The following PCGF5 variants were observed in gnomAD, a reference collection of about 807,000 sequenced individuals.
The protein encoded by PCGF5 is polycomb group RING finger protein 5.
A neutral mutation model predicts 44.3 loss-of-function variants in PCGF5; 9 were observed. The observed-to-expected ratio is 0.20, with a 90% CI of 0.12 to 0.35. The LOEUF (loss-of-function observed/expected upper bound fraction) is 0.35, where lower values mean the gene tolerates loss of function less well. Among genes scored for constraint, PCGF5 ranks in the 10% least tolerant of loss-of-function variants. PCGF5 has a pLI of 1.00. For missense variants in PCGF5, 146 were observed against 305.3 expected, an observed-to-expected ratio of 0.48 and a Z score of 3.89; for synonymous variants, 95 against 102.5, an observed-to-expected ratio of 0.93 and a Z score of 0.44.
intron 1 of PCGF5, among the ~76,000 whole-genome samples, chr10:91,185,535 A>G (rs976346383): frequency 1.3e-5 from 2 of 152,074 alleles, no homozygotes; most frequent in East Asian, 3.8e-4. Flanking sequence ...CATGGATTCA[A>G]CCTCTTTCCT....
intron 3 of PCGF5, among the ~76,000 whole-genome samples, chr10:91,247,503 T>G (rs535130952): frequency 3.3e-4 from 50 of 149,734 alleles, no homozygotes; most frequent in African/African-American, 1.1e-3. Flanking sequence ...GGTTTTGGGG[T>G]TTTTTTTAAG....
intron 1 of PCGF5, among the ~76,000 whole-genome samples, chr10:91,205,889 C>A (rs554318175): frequency 6.6e-6 from 1 of 152,002 alleles, no homozygotes. Context: ...ACTTGGGAGG[C>A]TGAGGTGGGA....
At chr10:91,246,917 TCAG>T (rs1262149961) in intron 3 of PCGF5, among the ~76,000 whole-genome samples, 1 of 151,714 alleles carries the variant, frequency 6.6e-6, no homozygotes, top group Non-Finnish European at 1.5e-5. Flanking sequence ...GAACTTGAAA[TCAG>T]CAGAGATGTG....
intron 2 of PCGF5, 52 bp downstream of exon 2, chr10:91,223,035 GTTCT>G: frequency 8.2e-7 from 1 of 1,217,854 alleles, no homozygotes; most frequent in Non-Finnish European, 1.2e-6. Flanking sequence ...TGTACATTTT[GTTCT>G]TTTAAAATTG....
chr10:91,262,330 G>C (rs1032590007), intron 7 of PCGF5, among the ~76,000 whole-genome samples: 1 of 152,068 alleles, frequency 6.6e-6, no homozygotes, highest in African/African-American at 2.4e-5. Flanking sequence ...GGAGGACAAG[G>C]CAAGAGTCAC....
chr10:91,272,176 A>G (rs780309126), intron 9 of PCGF5, among the ~76,000 whole-genome samples: 5 of 152,222 alleles, frequency 3.3e-5, no homozygotes, highest in East Asian at 1.9e-4. Context: ...ATAGTGAGCT[A>G]ATTTAGTAAT....
chr10:91,270,281 T>C (rs1050434082), intron 8 of PCGF5, among the ~76,000 whole-genome samples: 1 of 152,064 alleles, frequency 6.6e-6, no homozygotes, highest in Non-Finnish European at 1.5e-5. Flanking sequence ...CACCTAAAGT[T>C]ACTACACCAT....
At chr10:91,269,510 C>A (rs1169759786) in intron 8 of PCGF5, among the ~76,000 whole-genome samples, 1 of 152,242 alleles carries the variant, frequency 6.6e-6, no homozygotes, top group African/African-American at 2.4e-5. Context: ...GATTAACACA[C>A]CCCTTTGATG....
rs190647711 is a variant in PCGF5 at position 91,205,549 on chromosome 10, C to T, written c.-183-17140C>T. On this transcript the variant is annotated intron_variant, in intron 1 of 9. Coordinates refer to the PCGF5 transcript ENST00000614189. ...ATGATGAGTTTCTCAGGCCAGGCCA[C>T]ACAAGTCCTATCTAATCTGTGTTTG... Among the ~76,000 whole-genome samples the T allele has an allele frequency of 2.8e-4, 42 of 152,304 alleles. No individual in the cohort carries two copies. The East Asian group carries it at 6.5e-3, about 24-fold the overall frequency.
At chr10:91,199,506 G>A (rs1322472047) in intron 1 of PCGF5, among the ~76,000 whole-genome samples, 2 of 152,220 alleles carry the variant, frequency 1.3e-5, no homozygotes, top group African/African-American at 4.8e-5. Context: ...GGACATGCCT[G>A]CAAGAGGCCA....
At chr10:91,220,584 G>A (rs1844642005), upstream of PCGF5, 1 of 150,250 alleles carries the variant, frequency 6.7e-6, no homozygotes, top group Non-Finnish European at 1.5e-5. Context: ...GGCGGGGCGG[G>A]CGGTGCCGCC....
intron 1 of PCGF5, among the ~76,000 whole-genome samples, chr10:91,205,752 G>A (rs1460053429): frequency 3.9e-5 from 6 of 152,204 alleles, no homozygotes; most frequent in African/African-American, 1.4e-4. Flanking sequence ...GCCGAGGCAG[G>A]TGGATCACTT....
At chr10:91,161,162 C>G (rs1843375341), upstream of PCGF5, among the ~76,000 whole-genome samples, 2 of 152,246 alleles carry the variant, frequency 1.3e-5, no homozygotes, top group Non-Finnish European at 2.9e-5. Context: ...GCTGTCTCCT[C>G]TCTTTGCCCC....
At chr10:91,227,552 G>A in intron 2 of PCGF5, 1 of 1,194,194 alleles carries the variant, frequency 8.4e-7, no homozygotes, top group Non-Finnish European at 1.1e-6. Flanking sequence ...TCATCCCTCT[G>A]TTACTGTTCT....
At chr10:91,241,131 A>G (rs1413261286) in intron 3 of PCGF5, among the ~76,000 whole-genome samples, 1 of 150,878 alleles carries the variant, frequency 6.6e-6, no homozygotes, top group East Asian at 1.9e-4. Context: ...CTGGAGTGCA[A>G]TGGTGCGATC....
At chr10:91,272,328 T>A (rs779262384) in intron 9 of PCGF5, among the ~76,000 whole-genome samples, 40 of 152,178 alleles carry the variant, frequency 2.6e-4, no homozygotes, top group Admixed American at 5.2e-4. Context: ...ACCCTGTGAA[T>A]TAATCATACC....
intron 6 of PCGF5, among the ~76,000 whole-genome samples, chr10:91,251,905 A>G (rs942240936): frequency 3.9e-5 from 6 of 151,976 alleles, no homozygotes; most frequent in African/African-American, 1.4e-4. Context: ...TTGAAGTAAA[A>G]TTAGATGTTG....
intron 1 of PCGF5, among the ~76,000 whole-genome samples, chr10:91,192,317 A>G (rs909705066): frequency 3.9e-5 from 6 of 152,254 alleles, no homozygotes; most frequent in Non-Finnish European, 8.8e-5. Context: ...GTATACCTGG[A>G]TAATAGTCTA....
At chr10:91,272,245 A>T (rs955429982) in intron 9 of PCGF5, among the ~76,000 whole-genome samples, 1 of 152,230 alleles carries the variant, frequency 6.6e-6, no homozygotes, top group Non-Finnish European at 1.5e-5. Flanking sequence ...GATACATTTT[A>T]AAAATTTGGG....
Sources: gnomAD v4.1 joint callset for allele counts (sites outside exome capture counted in the v4.1 genomes callset) on GRCh38, gnomAD v4.1.1 for gene constraint, MANE v1.5 for transcripts, NCBI Gene and HGNC (gene_info 2026-07-23, HGNC 2026-07-21) for gene names.